GAB2: variants seen among roughly 807,000 people sequenced by gnomAD.
GAB2 encodes GRB2 associated binding protein 2.
In GAB2, 26 loss-of-function variants were observed where a neutral mutation model predicts 65.5. That is an observed-to-expected ratio of 0.40 (90% confidence interval 0.29 to 0.55). GAB2 has a LOEUF of 0.55. GAB2 is among the 20% of genes least tolerant of loss of function. The pLI, the probability that GAB2 is intolerant of heterozygous loss-of-function variation, is 0.53. For synonymous variants in GAB2, 321 were observed against 329.6 expected, an observed-to-expected ratio of 0.97 and a Z score of 0.28; for missense variants, 884 against 875.8, an observed-to-expected ratio of 1.01 and a Z score of -0.12.
intron 1 of GAB2, among the ~76,000 whole-genome samples, chr11:78,339,416 G>A (rs573326158): frequency 2.6e-5 from 4 of 152,276 alleles, no homozygotes; most frequent in Admixed American, 2.6e-4. Flanking sequence ...ATAGACAAGT[G>A]TCATTTCAAC....
chr11:78,223,373 C>A, intron 6 of GAB2, 39 bp downstream of exon 6: 1 of 1,450,800 alleles, frequency 6.9e-7, no homozygotes, highest in Non-Finnish European at 9.1e-7. Context: ...AGTCCCTAGC[C>A]ACTGTCCAGA....
chr11:78,289,158 G>A (rs569270778), intron 1 of GAB2, among the ~76,000 whole-genome samples: 3 of 152,308 alleles, frequency 2.0e-5, no homozygotes, highest in African/African-American at 7.2e-5. Flanking sequence ...CCAGCACTTT[G>A]GGGGGCCAAG....
intron 1 of GAB2, among the ~76,000 whole-genome samples, chr11:78,281,893 G>A (rs971759583): frequency 6.6e-6 from 1 of 152,108 alleles, no homozygotes; most frequent in East Asian, 1.9e-4. Flanking sequence ...ACTAAGGCAG[G>A]GTGAGTTGAA....
intron 1 of GAB2, among the ~76,000 whole-genome samples, chr11:78,331,920 T>C (rs895066204): frequency 9.2e-5 from 14 of 152,146 alleles, no homozygotes; most frequent in African/African-American, 3.4e-4. Context: ...AAAGTGTCCA[T>C]TGGGAAGGGG....
chr11:78,366,044 A>G (rs149533383), intron 1 of GAB2, among the ~76,000 whole-genome samples: 5 of 152,342 alleles, frequency 3.3e-5, no homozygotes, highest in East Asian at 3.9e-4. Context: ...AAAATTAAAT[A>G]AGACAATGAA....
intron 3 of GAB2, among the ~76,000 whole-genome samples, chr11:78,238,484 T>TA (rs778094254): frequency 0.02 from 2,688 of 132,530 alleles, 76 homozygotes; most frequent in African/African-American, 0.068. Flanking sequence ...CCCTGTCTCT[T>TA]AAAAAAAAAA....
At chr11:78,235,345 G>C (rs180986705) in intron 3 of GAB2, among the ~76,000 whole-genome samples, 1 of 151,984 alleles carries the variant, frequency 6.6e-6, no homozygotes, top group African/African-American at 2.4e-5. Context: ...GTAGAGATGG[G>C]GTTTCACCGT....
intron 1 of GAB2, among the ~76,000 whole-genome samples, chr11:78,355,849 A>C (rs1315144988): frequency 6.6e-6 from 1 of 152,016 alleles, no homozygotes; most frequent in Non-Finnish European, 1.5e-5. Flanking sequence ...TGGGTCAGTC[A>C]CTTAACCTTA....
intron 1 of GAB2, among the ~76,000 whole-genome samples, chr11:78,325,673 AG>A (rs1855809033): frequency 1.3e-5 from 2 of 152,212 alleles, no homozygotes; most frequent in Admixed American, 1.3e-4. Context: ...TCCTGACCAC[AG>A]CAACTACTAC....
chr11:78,349,298 A>T (rs1193754639), intron 1 of GAB2, among the ~76,000 whole-genome samples: 1 of 152,240 alleles, frequency 6.6e-6, no homozygotes, highest in African/African-American at 2.4e-5. Context: ...GAAGCTGTAT[A>T]GAAGTTGGTG....
intron 2 of GAB2, among the ~76,000 whole-genome samples, chr11:78,273,421 G>T (rs1249188643): frequency 6.8e-6 from 1 of 146,808 alleles, no homozygotes; most frequent in Non-Finnish European, 1.5e-5. Flanking sequence ...GATCATTTTG[G>T]AGCTTTAAGA....
intron 1 of GAB2, among the ~76,000 whole-genome samples, chr11:78,394,513 C>CAAAAAAG (rs763154696): frequency 1.5e-4 from 23 of 151,240 alleles, no homozygotes; most frequent in Non-Finnish European, 2.7e-4. Context: ...CTAGGGGTAC[C>CAAAAAAG]AAAAAAGAAA....
At chr11:78,238,501 CGAA>C (rs973295915) in intron 3 of GAB2, among the ~76,000 whole-genome samples, 6 of 142,362 alleles carry the variant, frequency 4.2e-5, no homozygotes, top group Non-Finnish European at 1.5e-5. Flanking sequence ...AAAAAAAAGT[CGAA>C]GAAATATTGG....
At chr11:78,383,178 A>G (rs1352317041) in intron 1 of GAB2, among the ~76,000 whole-genome samples, 1 of 152,118 alleles carries the variant, frequency 6.6e-6, no homozygotes, top group East Asian at 1.9e-4. Flanking sequence ...AGGCTGAGGC[A>G]GAAGAATCGC....
chr11:78,219,420 G>C lies in GAB2; in HGVS notation c.1888-5C>G. On this transcript the variant is annotated splice_region_variant and splice_polypyrimidine_tract_variant and intron_variant, in intron 9 of 9. Transcript: ENST00000361507. ...GGTGACGGATGAAGTAGATGGCTGA[G>C]GGGACAGAGTGGGAAAGAGGGAGTA... 2 of 1,613,792 alleles carry C rather than the reference G, an allele frequency of 1.2e-6. No individual in the cohort carries two copies. Among genetic ancestry groups the C allele is most frequent in the South Asian group, 1.1e-5 (1 of 91,040 alleles).
At chr11:78,393,673 G>C (rs1332022002) in intron 1 of GAB2, among the ~76,000 whole-genome samples, 2 of 152,128 alleles carry the variant, frequency 1.3e-5, no homozygotes, top group Admixed American at 1.3e-4. Flanking sequence ...GATCATCACA[G>C]CATTATCTAT....
chr11:78,289,986 C>T (rs1866611379), intron 1 of GAB2, among the ~76,000 whole-genome samples: 1 of 151,876 alleles, frequency 6.6e-6, no homozygotes, highest in South Asian at 2.1e-4. Flanking sequence ...TTGAATGCCA[C>T]CCTAAGAAGT....
intron 6 of GAB2, among the ~76,000 whole-genome samples, chr11:78,222,512 C>T (rs1270637563): frequency 6.7e-6 from 1 of 148,204 alleles, no homozygotes; most frequent in Non-Finnish European, 1.5e-5. Flanking sequence ...AAATAAAAGA[C>T]TATATATAAA....
At chr11:78,357,011 T>C (rs1160276865) in intron 1 of GAB2, among the ~76,000 whole-genome samples, 1 of 152,136 alleles carries the variant, frequency 6.6e-6, no homozygotes, top group Non-Finnish European at 1.5e-5. Flanking sequence ...TAGGGGGTAA[T>C]AGGGAGTTTC....
Sources: gnomAD v4.1 joint callset for allele counts (sites outside exome capture counted in the v4.1 genomes callset) on GRCh38, gnomAD v4.1.1 for gene constraint, MANE v1.5 for transcripts, NCBI Gene and HGNC (gene_info 2026-07-23, HGNC 2026-07-21) for gene names.